AKAP10: variants seen among roughly 807,000 people sequenced by gnomAD.
AKAP10 encodes A-kinase anchor protein 10, mitochondrial.
A neutral mutation model predicts 80.8 loss-of-function variants in AKAP10; 24 were observed. That is an observed-to-expected ratio of 0.30 (90% confidence interval 0.22 to 0.42). AKAP10 has a LOEUF of 0.42. AKAP10 is among the 10% of genes least tolerant of loss of function. AKAP10 has a pLI of 1.00. For missense variants in AKAP10, 661 were observed against 794.9 expected (o/e 0.83, Z 2.03); for synonymous variants, 291 against 277.7 (o/e 1.05, Z -0.48).
rs539539208 is a variant in AKAP10, at chr17:19,937,910, T to G, written c.1323-1480A>C. On this transcript the variant is annotated intron_variant, in intron 8 of 14. Transcript: ENST00000225737. ...AATTATCTGGTATGTCTTCTAAAAA[T>G]AAAGATTCCTGGTCACACCTCAAAC... 1.2e-4 allele frequency among the ~76,000 whole-genome samples: 18 copies of G among 151,080 alleles called. No individual in the cohort carries two copies. The East Asian group carries it at 3.5e-3, about 30-fold the overall frequency.
intron 12 of AKAP10, among the ~76,000 whole-genome samples, chr17:19,913,084 T>A (rs1484212833): frequency 6.6e-6 from 1 of 150,860 alleles, no homozygotes; most frequent in African/African-American, 2.4e-5. Flanking sequence ...TTTAAGTGAT[T>A]CTCCTCCCTC....
In AKAP10 at chr17:19,931,860, G is replaced by C. The variant is rs531194646; in HGVS notation, c.1586C>G (p.Ser529Cys). The change falls in exon 10 of 15, where the codon TCT (serine) becomes TGT (cysteine). Residue 529 changes from serine (S) to cysteine (C), a missense_variant. Transcript: ENST00000225737. ...GGNVSLTAPGSVGPPDESHPG... is the reference protein window; with the variant it reads ...GGNVSLTAPGCVGPPDESHPG... ...GTGAGACTCATCAGGAGGGCCAACA[G>C]AGCCAGGAGCAGTCAGCGACACGTT... is the stretch of plus-strand genomic sequence containing the variant. 59 of 1,614,164 alleles carry C rather than the reference G, an allele frequency of 3.7e-5. 2 individuals are homozygous for C. The South Asian group carries it at 6.5e-4, about 18-fold the overall frequency.
intron 10 of AKAP10, among the ~76,000 whole-genome samples, chr17:19,928,599 G>A (rs948180896): frequency 2.6e-5 from 4 of 152,088 alleles, no homozygotes; most frequent in East Asian, 3.9e-4. Context: ...AACCACAGCC[G>A]GGCATAGTGG....
intron 10 of AKAP10, among the ~76,000 whole-genome samples, chr17:19,927,834 C>T (rs2042891082): frequency 1.3e-5 from 2 of 151,868 alleles, no homozygotes; most frequent in Admixed American, 1.3e-4. Flanking sequence ...CGCTTGAACC[C>T]AGGAGGCAGA....
At chr17:19,946,240 TATA>T (rs1567765545) in intron 5 of AKAP10, among the ~76,000 whole-genome samples, 97 of 14,546 alleles carry the variant, frequency 6.7e-3, no homozygotes, top group Non-Finnish European at 8.3e-3. Flanking sequence ...ATATATATTA[TATA>T]TATATATATA....
At chr17:19,947,221 C>A in intron 5 of AKAP10, 186 bp downstream of exon 5, 1 of 569,158 alleles carries the variant, frequency 1.8e-6, no homozygotes, top group Non-Finnish European at 3.1e-6. Flanking sequence ...GACCCTCGCA[C>A]CGAATGCAGC....
rs148496809 is a variant in AKAP10 at position 19,957,351 on chromosome 17, C to T, written c.877+663G>A. On this transcript the variant is annotated intron_variant, in intron 4 of 14. Coordinates refer to ENST00000225737, the MANE Select transcript of AKAP10 (RefSeq NM_007202.4). ...AGTCAGGAGATCGAGACCATCCTGG[C>T]GAACATGGTGAAACCCCGTCTCTAC... is the stretch of plus-strand genomic sequence containing the variant. Among the ~76,000 whole-genome samples, 229 of 151,974 alleles carry T rather than the reference C, an allele frequency of 1.5e-3. 3 individuals are homozygous for T. Among genetic ancestry groups the T allele is most frequent in the East Asian group, 9.3e-3 (48 of 5,144 alleles).
chr17:19,946,271 ATATATTTTTTTTTTTTTT>A lies in AKAP10; in HGVS notation c.976+1118_976+1135del, dbSNP rs1567766028. On this transcript the variant is annotated intron_variant, in intron 5 of 14. Transcript: ENST00000225737. ...TATATATATATATATATATATATAT[ATATATTTTTTTTTTTTTT>A]TTTTTTTTTTGGCAGGGGGTGAGGG... is the stretch of plus-strand genomic sequence containing the variant. Among the ~76,000 whole-genome samples the A allele has an allele frequency of 2.1e-3, 49 of 23,356 alleles. 3 individuals are homozygous for A. The highest frequency in any genetic ancestry group is 8.2e-3 in the African/African-American group (48 of 5,864). 15.3% of individuals were successfully genotyped at this position (23,356 alleles called of 152,430 possible).
At chr17:19,953,122 T>C (rs879900639) in intron 4 of AKAP10, among the ~76,000 whole-genome samples, 1 of 151,998 alleles carries the variant, frequency 6.6e-6, no homozygotes, top group Non-Finnish European at 1.5e-5. Context: ...AGGAAAAAAG[T>C]CTCCAATTGC....
At chr17:19,907,333 TTTTTA>T (rs1439252414) in intron 14 of AKAP10, among the ~76,000 whole-genome samples, 2 of 152,124 alleles carry the variant, frequency 1.3e-5, no homozygotes, top group African/African-American at 4.8e-5. Context: ...TTTCTGGTAT[TTTTTA>T]TTTTAAGAAA....
chr17:19,907,070 T>C (rs2042639133), intron 14 of AKAP10, among the ~76,000 whole-genome samples: 1 of 151,714 alleles, frequency 6.6e-6, no homozygotes, highest in South Asian at 2.1e-4. Context: ...CAAGCTGGAG[T>C]GCACTGGTGC....
chr17:19,977,654 C>A lies in AKAP10; in HGVS notation c.26G>T (p.Arg9Leu). The A allele has an allele frequency of 8.1e-7, 1 of 1,235,246 alleles. No individual in the cohort carries two copies. The highest frequency in any genetic ancestry group is 1.0e-6 in the Non-Finnish European group (1 of 987,800). 76.5% of individuals were successfully genotyped at this position (1,235,246 alleles called of 1,614,324 possible). Reference protein sequence around the residue: MRGAGPSPRQSPRTLRPDP... With the variant: MRGAGPSPLQSPRTLRPDP... Reference sequence around the variant, plus strand: ...GGGACGGAGGGTGCGGGGGGACTGGCGCGGGGAGGGCCCGGCTCCCCTCAT... The same window carrying A: ...GGGACGGAGGGTGCGGGGGGACTGGAGCGGGGAGGGCCCGGCTCCCCTCAT... Residue 9 changes from arginine to leucine, a missense_variant, in exon 1 of 15, where the codon CGC (arginine) becomes CTC (leucine). Coordinates refer to ENST00000225737, the MANE Select transcript of AKAP10 (RefSeq NM_007202.4).
At chr17:19,922,815 G>C (rs979740471) in intron 11 of AKAP10, among the ~76,000 whole-genome samples, 2 of 152,156 alleles carry the variant, frequency 1.3e-5, no homozygotes, top group African/African-American at 4.8e-5. Context: ...CAGAAGAAAC[G>C]CTTGAACCTG....
At chr17:19,958,842 C>CTTTTTTTTTTTTTTTTTTTTTTTTTTTTT (rs772496178) in intron 3 of AKAP10, among the ~76,000 whole-genome samples, 1 of 92,936 alleles carries the variant, frequency 1.1e-5, no homozygotes. Context: ...CATGTAAATT[C>CTTTTTTTTTTTTTTTTTTTTTTTTTTTTT]TTTTTTTTTT....
chr17:19,913,736 A>G (rs780135079), intron 12 of AKAP10, among the ~76,000 whole-genome samples: 1 of 152,234 alleles, frequency 6.6e-6, no homozygotes, highest in Non-Finnish European at 1.5e-5. Context: ...TAATCTGGCT[A>G]AGAAAACTTA....
rs771221962 is a variant in AKAP10 at position 19,958,334 on chromosome 17, A to T, written c.557T>A (p.Val186Asp). Residue 186 changes from valine to aspartate, a missense_variant, in exon 4 of 15, where the codon GTC becomes GAC. Coordinates refer to ENST00000225737, the MANE Select transcript of AKAP10 (RefSeq NM_007202.4). ...AGTTTCATGCTTTTTAGATGGAGAG[A>T]CAGGCTCAGCCAGTGAGCTCTGCTT... ...TVKQSSLAEP[V>D]SPSKKHETTA... is the part of the protein sequence containing the mutation. The T allele has an allele frequency of 6.2e-7, 1 of 1,614,222 alleles. No individual in the cohort carries two copies.
intron 1 of AKAP10, among the ~76,000 whole-genome samples, chr17:19,976,423 G>A (rs574450759): frequency 6.6e-6 from 1 of 151,896 alleles, no homozygotes; most frequent in Admixed American, 6.5e-5. Flanking sequence ...AGAGGTTGCA[G>A]TGAGCCGAGA....
intron 5 of AKAP10, among the ~76,000 whole-genome samples, chr17:19,943,994 T>C (rs1416497402): frequency 6.6e-6 from 1 of 152,144 alleles, no homozygotes; most frequent in Non-Finnish European, 1.5e-5. Flanking sequence ...CTGAGTTTTT[T>C]TTTTTTCTAC....
At chr17:19,922,685 G>A (rs1766020322) in intron 11 of AKAP10, among the ~76,000 whole-genome samples, 1 of 152,158 alleles carries the variant, frequency 6.6e-6, no homozygotes, top group Admixed American at 6.5e-5. Context: ...TGGATCACGA[G>A]GTCAGGAGAT....
Sources: gnomAD v4.1 joint callset for allele counts (sites outside exome capture counted in the v4.1 genomes callset) on GRCh38, gnomAD v4.1.1 for gene constraint, MANE v1.5 for transcripts, NCBI Gene and HGNC (gene_info 2026-07-23, HGNC 2026-07-21) for gene names.